Variants in ADGRB3 observed in about 807,000 individuals in gnomAD.
ADGRB3 encodes the protein adhesion G protein-coupled receptor B3, also known as brain-specific angiogenesis inhibitor 3.
A neutral mutation model predicts 193.4 loss-of-function variants in ADGRB3; 37 were observed. That is an observed-to-expected ratio of 0.19 (90% CI 0.15 to 0.25). ADGRB3 has a LOEUF of 0.25. ADGRB3 is among the 10% of genes least tolerant of loss of function. The pLI, the probability that ADGRB3 is intolerant of heterozygous loss-of-function variation, is 1.00. For missense variants in ADGRB3, 1,637 were observed against 1,852.9 expected (o/e 0.88, Z 2.14); for synonymous variants, 690 against 644.2 (o/e 1.07, Z -1.08).
At chr6:68,718,129 G>T (rs1346635363) in intron 3 of ADGRB3, among the ~76,000 whole-genome samples, 1 of 151,682 alleles carries the variant, frequency 6.6e-6, no homozygotes, top group Non-Finnish European at 1.5e-5. Context: ...TATTTTAAAT[G>T]TTCAAACTCT....
At chr6:69,243,922 C>A (rs1766436208) in intron 20 of ADGRB3, among the ~76,000 whole-genome samples, 1 of 152,010 alleles carries the variant, frequency 6.6e-6, no homozygotes, top group African/African-American at 2.4e-5. Flanking sequence ...AACAAGCCTA[C>A]AAATGTTAAT....
intron 20 of ADGRB3, among the ~76,000 whole-genome samples, chr6:69,267,564 C>T (rs1767076141): frequency 1.3e-5 from 2 of 152,112 alleles, no homozygotes; most frequent in Non-Finnish European, 2.9e-5. Context: ...AGCAGGCAAT[C>T]CCAGTTTGTC....
In ADGRB3 at chr6:68,897,840, G is replaced by T. The variant is rs887590117; in HGVS notation, c.758-32719G>T. On this transcript the variant is annotated intron_variant, in intron 3 of 31. Transcript: ENST00000370598. Reference sequence around the variant, plus strand: ...AAAAGGAAGGAAGGAGAGAAAAAGAGAAAGAAAGAAGAAAACAAAAGAAAA... The same window carrying T: ...AAAAGGAAGGAAGGAGAGAAAAAGATAAAGAAAGAAGAAAACAAAAGAAAA... 1.0e-3 allele frequency among the ~76,000 whole-genome samples: 145 copies of T among 141,846 alleles called. 2 individuals are homozygous for T. Among genetic ancestry groups the T allele is most frequent in the Non-Finnish European group, 1.7e-3 (112 of 64,408 alleles). 93.1% of individuals were successfully genotyped at this position (141,846 alleles called of 152,430 possible). A position where few individuals can be genotyped will look rare whatever the true frequency, so the allele number is the denominator to read the frequency against.
chr6:68,828,772 GT>G (rs954541276), intron 3 of ADGRB3, among the ~76,000 whole-genome samples: 5 of 152,082 alleles, frequency 3.3e-5, no homozygotes, highest in African/African-American at 9.7e-5. Flanking sequence ...GTATGATTTG[GT>G]TCTGATTCTT....
chr6:69,171,790 A>G (rs913251701), intron 17 of ADGRB3, among the ~76,000 whole-genome samples: 21 of 152,212 alleles, frequency 1.4e-4, no homozygotes, highest in African/African-American at 5.1e-4. Flanking sequence ...CCAATAAACT[A>G]CAGAATCTAA....
chr6:68,729,563 A>G (rs890363588), intron 3 of ADGRB3, among the ~76,000 whole-genome samples: 34 of 151,502 alleles, frequency 2.2e-4, no homozygotes, highest in Admixed American at 1.8e-3. Context: ...TTTACATGGT[A>G]TATTGGTGCT....
chr6:68,738,740 GT>G (rs1230116463), intron 3 of ADGRB3, among the ~76,000 whole-genome samples: 1 of 152,128 alleles, frequency 6.6e-6, no homozygotes, highest in Non-Finnish European at 1.5e-5. Context: ...AAGATTACTA[GT>G]TTGATTTGGG....
intron 3 of ADGRB3, among the ~76,000 whole-genome samples, chr6:68,708,902 CT>C (rs574594863): frequency 1.7e-4 from 26 of 151,108 alleles, no homozygotes; most frequent in South Asian, 1.0e-3. Flanking sequence ...CCTAATGTCA[CT>C]TTTTTTTTAA....
At chr6:69,051,495 G>T (rs756562934) in intron 15 of ADGRB3, among the ~76,000 whole-genome samples, 1 of 152,164 alleles carries the variant, frequency 6.6e-6, no homozygotes, top group Admixed American at 6.5e-5. Context: ...CAACTAAATA[G>T]TGCTTAGATC....
At chr6:69,180,209 C>T (rs375385190) in intron 17 of ADGRB3, among the ~76,000 whole-genome samples, 5 of 151,864 alleles carry the variant, frequency 3.3e-5, no homozygotes, top group Non-Finnish European at 7.4e-5. Context: ...CTGGGTGTGG[C>T]GTAGAGCAGT....
At chr6:69,179,158 T>A (rs1775512343) in intron 17 of ADGRB3, among the ~76,000 whole-genome samples, 1 of 152,208 alleles carries the variant, frequency 6.6e-6, no homozygotes, top group South Asian at 2.1e-4. Flanking sequence ...TTTTTTTAAA[T>A]GAATTCCTCA....
At chr6:69,295,567 G>A (rs1206722595) in intron 20 of ADGRB3, among the ~76,000 whole-genome samples, 2 of 152,056 alleles carry the variant, frequency 1.3e-5, no homozygotes, top group African/African-American at 4.8e-5. Flanking sequence ...TACTATCTGG[G>A]AACAATAATG....
intron 20 of ADGRB3, among the ~76,000 whole-genome samples, chr6:69,259,470 C>T (rs867713464): frequency 6.6e-6 from 1 of 151,922 alleles, no homozygotes; most frequent in African/African-American, 2.4e-5. Context: ...CCAAGGTGGG[C>T]GGATCACGAG....
At chr6:68,871,008 G>A (rs1176309575) in intron 3 of ADGRB3, among the ~76,000 whole-genome samples, 1 of 152,148 alleles carries the variant, frequency 6.6e-6, no homozygotes, top group Non-Finnish European at 1.5e-5. Flanking sequence ...AAGTGTTTGA[G>A]TGAAAGTCCC....
At chr6:68,779,087 A>G (rs1455376771) in intron 3 of ADGRB3, among the ~76,000 whole-genome samples, 4 of 152,024 alleles carry the variant, frequency 2.6e-5, no homozygotes, top group African/African-American at 7.2e-5. Flanking sequence ...TTTTAAAATT[A>G]TATACACGTA....
chr6:69,107,666 A>T (rs1184154337), intron 17 of ADGRB3, among the ~76,000 whole-genome samples: 2 of 152,198 alleles, frequency 1.3e-5, no homozygotes, highest in Non-Finnish European at 2.9e-5. Context: ...GGTGGATTGG[A>T]TAAAGAAAAT....
At chr6:69,167,227 G>T (rs937514905) in intron 17 of ADGRB3, among the ~76,000 whole-genome samples, 1 of 152,240 alleles carries the variant, frequency 6.6e-6, no homozygotes, top group Non-Finnish European at 1.5e-5. Context: ...AGTATAGAGA[G>T]AAATGGTCTA....
intron 17 of ADGRB3, among the ~76,000 whole-genome samples, chr6:69,114,045 G>A (rs943132409): frequency 6.6e-6 from 1 of 152,106 alleles, no homozygotes; most frequent in Non-Finnish European, 1.5e-5. Context: ...TGAGATTCTG[G>A]GAGGGCAAAA....
chr6:69,067,212 T>C (rs532856064), intron 16 of ADGRB3, among the ~76,000 whole-genome samples: 17 of 152,138 alleles, frequency 1.1e-4, no homozygotes, highest in Non-Finnish European at 2.2e-4. Flanking sequence ...AGGGTACTGC[T>C]GCTTTCAGGG....
Sources: gnomAD v4.1 joint callset for allele counts (sites outside exome capture counted in the v4.1 genomes callset) on GRCh38, gnomAD v4.1.1 for gene constraint, MANE v1.5 for transcripts, NCBI Gene and HGNC (gene_info 2026-07-23, HGNC 2026-07-21) for gene names.